Variants in ATP8B4 observed in about 807,000 individuals in gnomAD.
The protein encoded by ATP8B4 is ATPase phospholipid transporting 8B4 (putative).
Under a neutral mutation model 145.6 loss-of-function variants are expected in ATP8B4, and 133 were observed. That is an observed-to-expected ratio of 0.91 (90% CI 0.79 to 1.05). The LOEUF (loss-of-function observed/expected upper bound fraction) is 1.05, where lower values mean the gene tolerates loss of function less well. ATP8B4 is among the 50% of genes least tolerant of loss of function. The pLI, the probability that ATP8B4 is intolerant of heterozygous loss-of-function variation, is 0.00. For synonymous variants in ATP8B4, 507 were observed against 492.9 expected, an observed-to-expected ratio of 1.03 and a Z score of -0.38; for missense variants, 1,458 against 1,425.2, an observed-to-expected ratio of 1.02 and a Z score of -0.37.
intron 1 of ATP8B4, among the ~76,000 whole-genome samples, chr15:50,129,024 C>T (rs557849962): frequency 1.3e-5 from 2 of 152,162 alleles, no homozygotes; most frequent in South Asian, 2.1e-4. Context: ...GCTGAGATCG[C>T]GTCATTGCAC....
At chr15:49,947,938 C>T (rs2042724312) in intron 14 of ATP8B4, among the ~76,000 whole-genome samples, 1 of 151,996 alleles carries the variant, frequency 6.6e-6, no homozygotes, top group African/African-American at 2.4e-5. Flanking sequence ...AAAAAATGGA[C>T]CATTATCTTA....
intron 14 of ATP8B4, among the ~76,000 whole-genome samples, chr15:49,949,200 T>G (rs987621429): frequency 3.9e-5 from 6 of 152,216 alleles, no homozygotes; most frequent in Admixed American, 1.3e-4. Context: ...TCTAATTCTG[T>G]GAAGAATGAC....
chr15:49,862,465 T>G, intron 26 of ATP8B4, 90 bp from the exon 27 acceptor site: 2 of 1,422,956 alleles, frequency 1.4e-6, no homozygotes, highest in South Asian at 2.7e-5. Context: ...AGATCTTTTT[T>G]TTTTTTGAGA....
At chr15:50,105,767 A>G (rs974911249) in intron 2 of ATP8B4, among the ~76,000 whole-genome samples, 1 of 152,196 alleles carries the variant, frequency 6.6e-6, no homozygotes, top group East Asian at 1.9e-4. Flanking sequence ...ATATACATAT[A>G]CATATGAATT....
intron 7 of ATP8B4, among the ~76,000 whole-genome samples, chr15:50,006,241 T>C (rs769617872): frequency 6.6e-6 from 1 of 150,428 alleles, no homozygotes; most frequent in African/African-American, 2.4e-5. Context: ...AGAATAATAA[T>C]GGACATCATA....
chr15:50,077,377 G>C (rs1213192811), intron 2 of ATP8B4, among the ~76,000 whole-genome samples: 1 of 152,136 alleles, frequency 6.6e-6, no homozygotes, highest in East Asian at 1.9e-4. Context: ...GAAAACAAGA[G>C]TAGTGGCTAG....
intron 23 of ATP8B4, among the ~76,000 whole-genome samples, chr15:49,886,811 ATT>A (rs200775433): frequency 3.0e-4 from 43 of 144,586 alleles, no homozygotes; most frequent in East Asian, 1.4e-3. Flanking sequence ...GCCACAAGCA[ATT>A]TTTTTTTTTT....
At chr15:49,916,182 G>C (rs2039720522) in intron 20 of ATP8B4, among the ~76,000 whole-genome samples, 1 of 152,036 alleles carries the variant, frequency 6.6e-6, no homozygotes, top group Non-Finnish European at 1.5e-5. Context: ...TATTTTTGTA[G>C]ATTTTTAAAC....
intron 6 of ATP8B4, among the ~76,000 whole-genome samples, chr15:50,029,238 T>TAAAAAAAAAAAACAAAAAAAAAAA (rs2050239722): frequency 1.3e-5 from 1 of 76,634 alleles, no homozygotes; most frequent in Non-Finnish European, 2.3e-5. Context: ...GACTCCATCT[T>TAAAAAAAAAAAACAAAAAAAAAAA]AAAAAAAAAA....
chr15:49,990,278 G>C (rs1437407896), intron 9 of ATP8B4, among the ~76,000 whole-genome samples: 1 of 152,184 alleles, frequency 6.6e-6, no homozygotes, highest in Non-Finnish European at 1.5e-5. Context: ...TCAGAGAAGA[G>C]AAAGAGGCAG....
intron 2 of ATP8B4, among the ~76,000 whole-genome samples, chr15:50,105,503 A>G (rs1470653602): frequency 1.3e-5 from 2 of 152,304 alleles, no homozygotes; most frequent in South Asian, 4.1e-4. Flanking sequence ...TTAAAGACAT[A>G]AAAGATGTCT....
intron 10 of ATP8B4, 90 bp downstream of exon 10, chr15:49,987,301 C>T (rs572927270): frequency 6.3e-6 from 9 of 1,424,080 alleles, no homozygotes; most frequent in African/African-American, 1.4e-5. Flanking sequence ...GAAAGCACTG[C>T]GCTCATCAGA....
chr15:49,925,814 T>C (rs926961115), intron 16 of ATP8B4, among the ~76,000 whole-genome samples: 1 of 152,214 alleles, frequency 6.6e-6, no homozygotes, highest in Non-Finnish European at 1.5e-5. Context: ...GCAAGTTTTA[T>C]ATCTCTTTTC....
chr15:49,925,304 T>C (rs1002885063), intron 16 of ATP8B4, among the ~76,000 whole-genome samples: 1 of 152,192 alleles, frequency 6.6e-6, no homozygotes, highest in African/African-American at 2.4e-5. Flanking sequence ...TTACAGATCT[T>C]TGTAACATCT....
At chr15:50,068,486 T>A (rs1285983168) in intron 3 of ATP8B4, among the ~76,000 whole-genome samples, 1 of 152,224 alleles carries the variant, frequency 6.6e-6, no homozygotes, top group Non-Finnish European at 1.5e-5. Context: ...TAGGTGGGAC[T>A]CTTTCTTTCT....
At chr15:50,119,612 T>C (rs1458273197), upstream of ATP8B4, among the ~76,000 whole-genome samples, 3 of 152,002 alleles carry the variant, frequency 2.0e-5, no homozygotes, top group Non-Finnish European at 4.4e-5. Context: ...AGGATGAAAA[T>C]GAACAATGGA....
At chr15:49,990,245 CCTT>C (rs1599664867) in intron 9 of ATP8B4, among the ~76,000 whole-genome samples, 2 of 152,064 alleles carry the variant, frequency 1.3e-5, no homozygotes, top group Non-Finnish European at 2.9e-5. Flanking sequence ...CTCTTAGGAC[CCTT>C]CTTCTTTTTG....
chr15:50,032,817 A>G (rs1357490107), intron 6 of ATP8B4, among the ~76,000 whole-genome samples: 1 of 152,182 alleles, frequency 6.6e-6, no homozygotes, highest in Non-Finnish European at 1.5e-5. Flanking sequence ...AAAAAAAGAC[A>G]GAGAGGAAAT....
intron 1 of ATP8B4, among the ~76,000 whole-genome samples, chr15:50,116,395 AAGG>A (rs2057161247): frequency 6.6e-6 from 1 of 152,338 alleles, no homozygotes; most frequent in Admixed American, 6.5e-5. Context: ...GTGAAGGGAA[AAGG>A]AGGAGAAGGT....
Sources: gnomAD v4.1 joint callset for allele counts (sites outside exome capture counted in the v4.1 genomes callset) on GRCh38, gnomAD v4.1.1 for gene constraint, MANE v1.5 for transcripts, NCBI Gene and HGNC (gene_info 2026-07-23, HGNC 2026-07-21) for gene names.